Variants in PPFIBP1 observed in about 807,000 individuals in gnomAD.
The protein encoded by PPFIBP1 is liprin-beta-1.
A neutral mutation model predicts 137.8 loss-of-function variants in PPFIBP1; 112 were observed. The ratio of observed to expected loss-of-function variants is 0.81; its 90% confidence interval spans 0.70 to 0.95. The LOEUF is 0.95. Ranked by LOEUF, PPFIBP1 falls within the 40% of genes least tolerant of loss-of-function variation. PPFIBP1 has a pLI of 0.00. For missense variants in PPFIBP1, 1,083 were observed against 1,196.6 expected, an observed-to-expected ratio of 0.91 and a Z score of 1.40; for synonymous variants, 378 against 417.3, an observed-to-expected ratio of 0.91 and a Z score of 1.15.
chr12:27,626,143 A>G (rs761164807), intron 2 of PPFIBP1, among the ~76,000 whole-genome samples: 1 of 152,110 alleles, frequency 6.6e-6, no homozygotes, highest in Admixed American at 6.6e-5. Flanking sequence ...AGAAGGGCTA[A>G]TAGATTGGGG....
chr12:27,693,011 T>A lies in PPFIBP1; in HGVS notation c.*129T>A. ...TGTTCCAACTTCTGCTGTCGAGAAGTTTAAACAGAAAGCAGGAGTAATGTG... is the reference window on the plus strand; with the variant it reads ...TGTTCCAACTTCTGCTGTCGAGAAGATTAAACAGAAAGCAGGAGTAATGTG... On this transcript the variant is annotated 3_prime_UTR_variant, in exon 30 of 30. Coordinates refer to ENST00000228425, the MANE Select transcript of PPFIBP1 (RefSeq NM_003622.4). The A allele has an allele frequency of 7.1e-7, 1 of 1,410,824 alleles. No homozygotes were observed. Among genetic ancestry groups the A allele is most frequent in the Non-Finnish European group, 9.3e-7 (1 of 1,076,134 alleles). The allele number at this position is 1,410,824 out of a possible 1,614,324, so 87.4% of individuals were successfully genotyped here.
intron 2 of PPFIBP1, among the ~76,000 whole-genome samples, chr12:27,598,405 G>A (rs1361619113): frequency 1.3e-5 from 2 of 152,102 alleles, no homozygotes; most frequent in Non-Finnish European, 2.9e-5. Context: ...AGAACAGCGT[G>A]GGAAAGACCC....
chr12:27,540,152 G>A (rs1375605231), intron 1 of PPFIBP1, among the ~76,000 whole-genome samples: 1 of 150,894 alleles, frequency 6.6e-6, no homozygotes, highest in Non-Finnish European at 1.5e-5. Context: ...CAAAATGCTA[G>A]GCCCAAGTGA....
intron 1 of PPFIBP1, among the ~76,000 whole-genome samples, chr12:27,551,002 T>G (rs1269755987): frequency 1.3e-5 from 2 of 150,208 alleles, no homozygotes; most frequent in African/African-American, 4.9e-5. Flanking sequence ...TTTTTTTTTT[T>G]TTAACAAACG....
intron 2 of PPFIBP1, chr12:27,593,756 G>A (rs1420082585): frequency 1.4e-5 from 10 of 709,036 alleles, no homozygotes; most frequent in South Asian, 4.4e-5. Flanking sequence ...CAGAGCCAAC[G>A]TCCATGTCCC....
intron 1 of PPFIBP1, among the ~76,000 whole-genome samples, chr12:27,570,323 C>G (rs897474745): frequency 6.6e-6 from 1 of 152,052 alleles, no homozygotes; most frequent in Non-Finnish European, 1.5e-5. Flanking sequence ...TACTATTCTG[C>G]CTATTTGTTG....
At chr12:27,673,641 T>C in intron 15 of PPFIBP1, 126 bp from the exon 16 acceptor site, 1 of 730,838 alleles carries the variant, frequency 1.4e-6, no homozygotes. Context: ...GACTGCCTGA[T>C]TCCAGATTTT....
Position 27,679,946 on chromosome 12 carries a change from C to G in PPFIBP1, c.1780C>G (p.Gln594Glu), listed in dbSNP as rs1461019334. ...TGTCTTCTTTAGACTTAGGAGAAGT[C>G]AATCAACTACATTCAACCCAGATGA... ...MKLFGKLRRS[Q>E]STTFNPDDMS... The change falls in exon 21 of 30, where the codon CAA becomes GAA. Residue 594 changes from glutamine (Q) to glutamate (E), a missense_variant. Transcript: ENST00000228425. 6.2e-7 allele frequency: 1 copy of G among 1,613,934 alleles called. No individual in the cohort carries two copies. The highest frequency in any genetic ancestry group is 8.5e-7 in the Non-Finnish European group (1 of 1,179,990).
intron 2 of PPFIBP1, among the ~76,000 whole-genome samples, chr12:27,622,764 GGTATGTGTGTGT>G (rs2056454471): frequency 6.6e-6 from 1 of 152,246 alleles, no homozygotes. Flanking sequence ...ATTTGTTGCA[GGTATGTGTGTGT>G]GTATGTGTGT....
chr12:27,613,647 G>A (rs1434412281), intron 2 of PPFIBP1, among the ~76,000 whole-genome samples: 1 of 150,446 alleles, frequency 6.6e-6, no homozygotes, highest in East Asian at 2.0e-4. Context: ...AGGTTGCCAT[G>A]AGCCCAGATC....
At chr12:27,645,458 G>T (rs531583161) in intron 4 of PPFIBP1, among the ~76,000 whole-genome samples, 6 of 152,178 alleles carry the variant, frequency 3.9e-5, no homozygotes, top group Admixed American at 3.3e-4. Context: ...AAAAAAGTGT[G>T]GGGGGCAGGA....
chr12:27,650,288 C>A, intron 7 of PPFIBP1, 147 bp downstream of exon 7: 1 of 527,382 alleles, frequency 1.9e-6, no homozygotes, highest in Non-Finnish European at 3.1e-6. Context: ...CATCCTACTT[C>A]ATTTTAAGAA....
chr12:27,538,028 G>GC (rs1945242856), intron 1 of PPFIBP1: 1 of 151,992 alleles, frequency 6.6e-6, no homozygotes, highest in South Asian at 2.1e-4. Flanking sequence ...CTTAAGTCTC[G>GC]CCTGGCTATT....
intron 1 of PPFIBP1, among the ~76,000 whole-genome samples, chr12:27,567,468 C>G (rs1216760287): frequency 1.3e-5 from 2 of 152,152 alleles, no homozygotes; most frequent in African/African-American, 4.8e-5. Flanking sequence ...TGATAATAGT[C>G]TTACAATTAC....
chr12:27,658,623 G>C (rs979914679), intron 9 of PPFIBP1, among the ~76,000 whole-genome samples, 193 bp from the exon 10 acceptor site: 3 of 152,186 alleles, frequency 2.0e-5, no homozygotes, highest in African/African-American at 7.2e-5. Context: ...TAGGTCTTCT[G>C]TTCTCTTTCT....
chr12:27,676,075 A>G (rs1427006261), intron 17 of PPFIBP1, among the ~76,000 whole-genome samples: 1 of 152,206 alleles, frequency 6.6e-6, no homozygotes, highest in East Asian at 1.9e-4. Flanking sequence ...AAAGTCAGAA[A>G]TCTGCTGCTA....
intron 25 of PPFIBP1, 25 bp downstream of exon 25, chr12:27,687,532 T>C: frequency 6.2e-7 from 1 of 1,611,474 alleles, no homozygotes; most frequent in East Asian, 2.2e-5. Context: ...TTGAGGTTTA[T>C]AAGCATGCAC....
chr12:27,574,036 C>T (rs1006154914), intron 1 of PPFIBP1, among the ~76,000 whole-genome samples: 1 of 150,846 alleles, frequency 6.6e-6, no homozygotes, highest in Admixed American at 6.6e-5. Context: ...CATCTCTGCA[C>T]ATGACTTGGT....
At chr12:27,621,393 C>G (rs903105797) in intron 2 of PPFIBP1, among the ~76,000 whole-genome samples, 6 of 152,202 alleles carry the variant, frequency 3.9e-5, no homozygotes, top group African/African-American at 1.4e-4. Flanking sequence ...GCAATTAGTG[C>G]TATTCACTCA....
Sources: gnomAD v4.1 joint callset for allele counts (sites outside exome capture counted in the v4.1 genomes callset) on GRCh38, gnomAD v4.1.1 for gene constraint, MANE v1.5 for transcripts, NCBI Gene and HGNC (gene_info 2026-07-23, HGNC 2026-07-21) for gene names.